Variants in RPS6KC1 observed in about 807,000 individuals in gnomAD.
RPS6KC1 encodes the protein inactive ribosomal protein S6 kinase delta-1.
Under a neutral mutation model 103.8 loss-of-function variants are expected in RPS6KC1, and 54 were observed. The observed-to-expected ratio is 0.52, with a 90% CI of 0.42 to 0.65. The LOEUF (loss-of-function observed/expected upper bound fraction) is 0.65. Among genes scored for constraint, RPS6KC1 ranks in the 30% least tolerant of loss-of-function variants. The probability of loss-of-function intolerance (pLI) is 0.00; values close to 1 mark genes in which losing one functional copy is unlikely to be tolerated. For missense variants in RPS6KC1, 1,151 were observed against 1,253.8 expected, an observed-to-expected ratio of 0.92 and a Z score of 1.24; for synonymous variants, 439 against 438.7, an observed-to-expected ratio of 1.00 and a Z score of -0.01.
At chr1:213,209,288 G>T (rs1350312265) in intron 8 of RPS6KC1, among the ~76,000 whole-genome samples, 1 of 152,070 alleles carries the variant, frequency 6.6e-6, no homozygotes, top group Non-Finnish European at 1.5e-5. Flanking sequence ...ACTTATCTTT[G>T]ATAGTGTTAC....
In RPS6KC1 at chr1:213,065,192, G is replaced by A. The variant is rs984928859; in HGVS notation, c.106-5814G>A. Among the ~76,000 whole-genome samples the A allele has an allele frequency of 2.7e-5, 4 of 150,800 alleles. No individual in the cohort carries two copies. In the East Asian group the frequency reaches 7.8e-4, roughly 29 times the overall value. ...GGATTTCACCATCTTGGCCAGGCTG[G>A]TCTCGAACTCCTGACCTCGTGATCC... On this transcript the variant is annotated intron_variant, in intron 1 of 14. Coordinates refer to ENST00000366960, the MANE Select transcript of RPS6KC1 (RefSeq NM_012424.6).
At chr1:213,590,295 G>A in the RPS6KC1 span, among the ~76,000 whole-genome samples, 4 of 152,278 alleles carry the variant, frequency 2.6e-5, no homozygotes, top group East Asian at 3.9e-4. Context: ...TACTCTTGAG[G>A]AGTGGGAGGA....
At chr1:213,781,426 T>A in the RPS6KC1 span, among the ~76,000 whole-genome samples, 1 of 152,128 alleles carries the variant, frequency 6.6e-6, no homozygotes, top group Non-Finnish European at 1.5e-5. Context: ...AAGGCAGGTG[T>A]GTGGACCATC....
the RPS6KC1 span, among the ~76,000 whole-genome samples, chr1:213,636,157 T>A: frequency 6.6e-6 from 1 of 152,110 alleles, no homozygotes; most frequent in Non-Finnish European, 1.5e-5. Context: ...TGCTTATGGA[T>A]AGGAAGAATC....
chr1:213,566,455 T>TGGGTA, the RPS6KC1 span, among the ~76,000 whole-genome samples: 1 of 28,760 alleles, frequency 3.5e-5, no homozygotes, highest in Non-Finnish European at 6.5e-5. Flanking sequence ...TTTTTTTTTT[T>TGGGTA]TTTTTTTTTT....
chr1:213,636,883 T>TA, the RPS6KC1 span, among the ~76,000 whole-genome samples: 1 of 152,066 alleles, frequency 6.6e-6, no homozygotes, highest in African/African-American at 2.4e-5. Context: ...AAAGGGCTAA[T>TA]ATCCAGAATC....
At chr1:213,679,956 T>G in the RPS6KC1 span, among the ~76,000 whole-genome samples, 1 of 152,222 alleles carries the variant, frequency 6.6e-6, no homozygotes, top group Admixed American at 6.5e-5. Context: ...AAAACAGATA[T>G]ATTTAAGGGT....
the RPS6KC1 span, among the ~76,000 whole-genome samples, chr1:213,447,073 AT>A: frequency 3.6e-3 from 526 of 144,758 alleles, no homozygotes; most frequent in Admixed American, 4.3e-3. Flanking sequence ...TGATGCCAGT[AT>A]TTTTTTTTTT....
chr1:213,257,337 C>T (rs186218814), intron 12 of RPS6KC1, among the ~76,000 whole-genome samples: 1 of 152,294 alleles, frequency 6.6e-6, no homozygotes, highest in African/African-American at 2.4e-5. Flanking sequence ...CCCATCTGGG[C>T]AATCCTCTGC....
In RPS6KC1 at chr1:213,161,439, A is replaced by G. The variant is rs557939541; in HGVS notation, c.836-6419A>G. ...AGGTTCAAATGATTCTCCTGCCTCA[A>G]CCACCTGAGTAACTGGGATTACAGG... is the stretch of plus-strand genomic sequence containing the variant. On this transcript the variant is annotated intron_variant, in intron 6 of 14. Transcript: ENST00000366960. Among the ~76,000 whole-genome samples, 8 of 152,116 alleles carry G rather than the reference A, an allele frequency of 5.3e-5. No individual in the cohort carries two copies. In the East Asian group the frequency reaches 1.2e-3, roughly 22 times the overall value.
the RPS6KC1 span, among the ~76,000 whole-genome samples, chr1:213,832,067 C>T: frequency 6.6e-6 from 1 of 152,212 alleles, no homozygotes; most frequent in Non-Finnish European, 1.5e-5. Context: ...TGTATTTGGT[C>T]TGTGGTATCA....
At chr1:213,731,592 ACTTG>A in the RPS6KC1 span, 1 of 152,204 alleles carries the variant, frequency 6.6e-6, no homozygotes, top group Admixed American at 6.5e-5. Context: ...ATTGTTTAAC[ACTTG>A]CTTAGTTTTT....
Position 213,134,268 on chromosome 1 carries a change from T to C in RPS6KC1, c.835+4379T>C, listed in dbSNP as rs115158871. 4.5e-3 allele frequency among the ~76,000 whole-genome samples: 692 copies of C among 152,142 alleles called. 6 individuals carry two copies. The highest frequency in any genetic ancestry group is 0.014 in the African/African-American group (562 of 41,550). On this transcript the variant is annotated intron_variant, in intron 6 of 14. Coordinates refer to ENST00000366960, the MANE Select transcript of RPS6KC1 (RefSeq NM_012424.6). The stretch of plus-strand genomic sequence containing the variant: ...CTTAACTTGATGTTGATGCCACACT[T>C]AAAAAATACCCCATTATTTCCCCCT...
chr1:213,669,300 C>T, the RPS6KC1 span, among the ~76,000 whole-genome samples: 1 of 152,002 alleles, frequency 6.6e-6, no homozygotes, highest in Non-Finnish European at 1.5e-5. Context: ...ATTAATTGGC[C>T]TAATGTCAGT....
At chr1:213,357,824 A>C in the RPS6KC1 span, among the ~76,000 whole-genome samples, 1 of 152,246 alleles carries the variant, frequency 6.6e-6, no homozygotes, top group African/African-American at 2.4e-5. Context: ...GGCTGAGTCC[A>C]GGAACAACCT....
the RPS6KC1 span, among the ~76,000 whole-genome samples, chr1:213,773,285 A>C: frequency 7.0e-6 from 1 of 143,376 alleles, no homozygotes; most frequent in Non-Finnish European, 1.5e-5. Flanking sequence ...ACTTTCAGCA[A>C]GGTGACCATG....
At chr1:213,667,770 G>A in the RPS6KC1 span, among the ~76,000 whole-genome samples, 5 of 152,172 alleles carry the variant, frequency 3.3e-5, no homozygotes, top group Non-Finnish European at 7.3e-5. Context: ...TGTTGCTGCT[G>A]TATTGCCTAT....
the RPS6KC1 span, among the ~76,000 whole-genome samples, chr1:213,826,949 A>G: frequency 1.3e-5 from 2 of 152,178 alleles, no homozygotes; most frequent in Non-Finnish European, 2.9e-5. Flanking sequence ...TCTAGTAGTC[A>G]TTCTCCCAAA....
At chr1:213,290,255 C>T in the RPS6KC1 span, among the ~76,000 whole-genome samples, 2 of 151,882 alleles carry the variant, frequency 1.3e-5, no homozygotes, top group Non-Finnish European at 2.9e-5. Flanking sequence ...ACGTGAGCCA[C>T]GTTAGGCAGT....
Sources: gnomAD v4.1 joint callset for allele counts (sites outside exome capture counted in the v4.1 genomes callset) on GRCh38, gnomAD v4.1.1 for gene constraint, MANE v1.5 for transcripts, NCBI Gene and HGNC (gene_info 2026-07-23, HGNC 2026-07-21) for gene names.